The following EPB41L4A variants were observed in gnomAD, a reference collection of about 807,000 sequenced individuals.
EPB41L4A encodes band 4.1-like protein 4A.
A neutral mutation model predicts 108.6 loss-of-function variants in EPB41L4A; 100 were observed. The ratio of observed to expected loss-of-function variants is 0.92; its 90% CI spans 0.78 to 1.09. The LOEUF is 1.09. EPB41L4A is among the 50% of genes least tolerant of loss of function. EPB41L4A has a pLI of 0.00. For synonymous variants in EPB41L4A, 319 were observed against 289.0 expected (o/e 1.10, Z -1.05); for missense variants, 1,030 against 842.7 (o/e 1.22, Z -2.75).
rs376724494 is a variant in EPB41L4A at position 112,419,089 on chromosome 5, C to T, written c.-50G>A. 1.2e-5 allele frequency: 17 copies of T among 1,378,064 alleles called. No individual in the cohort carries two copies. In the East Asian group the frequency reaches 1.9e-4, roughly 15 times the overall value. 85.4% of individuals were successfully genotyped at this position (1,378,064 alleles called of 1,614,324 possible). A position where few individuals can be genotyped will look rare whatever the true frequency, so the allele number is the denominator to read the frequency against. On this transcript the variant is annotated 5_prime_UTR_variant, in exon 1 of 23. Coordinates refer to ENST00000261486, the MANE Select transcript of EPB41L4A (RefSeq NM_022140.5). ...GGAGAGAAAGCTACCACCGAGGCGC[C>T]CAGCCGCCCCCTCCACTCAAGCGCG...
chr5:112,375,597 TTCAATGA>T (rs1198646960), intron 1 of EPB41L4A, among the ~76,000 whole-genome samples: 1 of 152,192 alleles, frequency 6.6e-6, no homozygotes, highest in Non-Finnish European at 1.5e-5. Flanking sequence ...ACAAAAATTC[TTCAATGA>T]TCAGTCATAA....
At chr5:112,408,239 G>C (rs549096080) in intron 1 of EPB41L4A, among the ~76,000 whole-genome samples, 42 of 152,180 alleles carry the variant, frequency 2.8e-4, no homozygotes, top group African/African-American at 9.6e-4. Context: ...AAGACCTAAG[G>C]CTATTAAAAA....
At chr5:112,360,646 G>C (rs1022096966) in intron 1 of EPB41L4A, among the ~76,000 whole-genome samples, 2 of 152,208 alleles carry the variant, frequency 1.3e-5, no homozygotes, top group Non-Finnish European at 1.5e-5. Flanking sequence ...CCAGCCGCCT[G>C]CCTTGGCCTC....
chr5:112,351,324 A>T (rs1272012949), intron 1 of EPB41L4A, among the ~76,000 whole-genome samples: 1 of 152,222 alleles, frequency 6.6e-6, no homozygotes, highest in Non-Finnish European at 1.5e-5. Context: ...AGATCATCAG[A>T]GACTATTATG....
At chr5:112,225,354 G>T (rs951703814) in intron 12 of EPB41L4A, among the ~76,000 whole-genome samples, 1 of 152,126 alleles carries the variant, frequency 6.6e-6, no homozygotes, top group African/African-American at 2.4e-5. Context: ...TAACACAGGA[G>T]AAATTCCTAA....
chr5:112,416,959 GACA>G (rs763532055), intron 1 of EPB41L4A, among the ~76,000 whole-genome samples: 7 of 152,222 alleles, frequency 4.6e-5, no homozygotes, highest in Admixed American at 6.5e-5. Context: ...AGCTTTAGCA[GACA>G]ACATCTGTGT....
intron 12 of EPB41L4A, among the ~76,000 whole-genome samples, chr5:112,154,627 T>C (rs1343571901): frequency 6.6e-6 from 1 of 152,136 alleles, no homozygotes; most frequent in African/African-American, 2.4e-5. Context: ...GTGCAAAAAT[T>C]GGAACAACAT....
chr5:112,155,037 T>C (rs2112816688), intron 12 of EPB41L4A, among the ~76,000 whole-genome samples: 1 of 152,198 alleles, frequency 6.6e-6, no homozygotes, highest in South Asian at 2.1e-4. Context: ...CTATGTCCAT[T>C]AAGGAAACTG....
At chr5:112,387,782 A>G (rs1270555520) in intron 1 of EPB41L4A, among the ~76,000 whole-genome samples, 1 of 152,250 alleles carries the variant, frequency 6.6e-6, no homozygotes, top group African/African-American at 2.4e-5. Flanking sequence ...GAGATTGTAT[A>G]TAAAACAGGT....
At chr5:112,227,311 T>A (rs1037742469) in intron 12 of EPB41L4A, among the ~76,000 whole-genome samples, 1 of 152,182 alleles carries the variant, frequency 6.6e-6, no homozygotes, top group African/African-American at 2.4e-5. Context: ...ATCCTTTGTA[T>A]ATGAAGTTCA....
At chr5:112,412,408 G>A (rs962023263) in intron 1 of EPB41L4A, among the ~76,000 whole-genome samples, 1 of 152,152 alleles carries the variant, frequency 6.6e-6, no homozygotes, top group African/African-American at 2.4e-5. Flanking sequence ...TTCACAATAC[G>A]CAGCATTAAG....
chr5:112,332,702 A>G (rs1218796456), intron 1 of EPB41L4A, among the ~76,000 whole-genome samples: 1 of 152,212 alleles, frequency 6.6e-6, no homozygotes, highest in Non-Finnish European at 1.5e-5. Context: ...AATTCTCGGA[A>G]TAACAGAAGT....
intron 1 of EPB41L4A, among the ~76,000 whole-genome samples, chr5:112,404,969 A>G (rs1468799334): frequency 6.6e-6 from 1 of 152,140 alleles, no homozygotes; most frequent in Non-Finnish European, 1.5e-5. Context: ...CAAATCTAAA[A>G]TCCAAAAACT....
intron 1 of EPB41L4A, among the ~76,000 whole-genome samples, chr5:112,350,550 T>G (rs1024167647): frequency 9.9e-5 from 15 of 152,204 alleles, no homozygotes; most frequent in African/African-American, 3.6e-4. Context: ...CACCCTACTA[T>G]GCTATTGAAC....
intron 2 of EPB41L4A, among the ~76,000 whole-genome samples, chr5:112,296,602 TG>T (rs1554092930): frequency 6.6e-6 from 1 of 152,178 alleles, no homozygotes; most frequent in Non-Finnish European, 1.5e-5. Context: ...TTATATTTTA[TG>T]TTTAATAATT....
intron 12 of EPB41L4A, among the ~76,000 whole-genome samples, chr5:112,211,145 T>C (rs1762719608): frequency 6.6e-6 from 1 of 152,136 alleles, no homozygotes; most frequent in Non-Finnish European, 1.5e-5. Flanking sequence ...GTCCCACAGC[T>C]CCTGAGTGGT....
intron 1 of EPB41L4A, among the ~76,000 whole-genome samples, chr5:112,324,251 A>G (rs1026869528): frequency 1.3e-5 from 2 of 152,176 alleles, no homozygotes; most frequent in African/African-American, 4.8e-5. Flanking sequence ...CTAAGGGGGG[A>G]TATTTATTTT....
At chr5:112,246,255 T>C (rs763212455) in intron 9 of EPB41L4A, among the ~76,000 whole-genome samples, 1 of 152,190 alleles carries the variant, frequency 6.6e-6, no homozygotes, top group Non-Finnish European at 1.5e-5. Flanking sequence ...ATGGATCGCA[T>C]ATACAACAGC....
intron 11 of EPB41L4A, among the ~76,000 whole-genome samples, chr5:112,236,329 G>A (rs1369382341): frequency 6.6e-6 from 1 of 152,184 alleles, no homozygotes; most frequent in Non-Finnish European, 1.5e-5. Flanking sequence ...GGCATAGGCT[G>A]ATGGCATGGG....
Sources: allele counts gnomAD v4.1 joint callset (sites outside exome capture counted in the v4.1 genomes callset), GRCh38; gene constraint gnomAD v4.1.1; transcripts MANE v1.5; gene names NCBI Gene and HGNC (gene_info 2026-07-23, HGNC 2026-07-21).